Variants in PARD3 observed in about 807,000 individuals in gnomAD.
The protein encoded by PARD3 is par-3 family cell polarity regulator.
A neutral mutation model predicts 155.4 loss-of-function variants in PARD3; 75 were observed. That is an observed-to-expected ratio of 0.48 (90% CI 0.40 to 0.58). PARD3 has a LOEUF of 0.58. Ranked by LOEUF, PARD3 falls within the 20% of genes least tolerant of loss-of-function variation. PARD3 has a pLI of 0.00. For missense variants in PARD3, 1,642 were observed against 1,721.7 expected (o/e 0.95, Z 0.82); for synonymous variants, 576 against 610.5 (o/e 0.94, Z 0.83).
chr10:34,601,849 T>C (rs1419551174), intron 2 of PARD3, among the ~76,000 whole-genome samples: 2 of 152,210 alleles, frequency 1.3e-5, no homozygotes, highest in Non-Finnish European at 2.9e-5. Context: ...AATTTTCAGC[T>C]ATGGAGACAT....
At chr10:34,210,348 A>T (rs1951683662) in intron 22 of PARD3, among the ~76,000 whole-genome samples, 1 of 152,186 alleles carries the variant, frequency 6.6e-6, no homozygotes. Flanking sequence ...ACATGTTAAC[A>T]TAAATCAGAA....
chr10:34,209,156 C>T (rs1177839757), intron 22 of PARD3, among the ~76,000 whole-genome samples: 1 of 152,074 alleles, frequency 6.6e-6, no homozygotes, highest in African/African-American at 2.4e-5. Flanking sequence ...ACCTAGAATC[C>T]CTTCTTCCTT....
At chr10:34,153,644 T>C (rs1442908599) in intron 22 of PARD3, among the ~76,000 whole-genome samples, 1 of 152,216 alleles carries the variant, frequency 6.6e-6, no homozygotes, top group East Asian at 1.9e-4. Context: ...GTAGTCAGTT[T>C]AATTCAAACG....
intron 15 of PARD3, chr10:34,343,478 T>C (rs1391259503): frequency 2.0e-6 from 2 of 983,796 alleles, no homozygotes; most frequent in Non-Finnish European, 2.4e-6. Context: ...GCAAGAAATC[T>C]TCCTCATAGT....
At chr10:34,606,162 G>A (rs1325227503) in intron 2 of PARD3, among the ~76,000 whole-genome samples, 1 of 21,864 alleles carries the variant, frequency 4.6e-5, no homozygotes, top group African/African-American at 1.5e-3. Context: ...GGAAATGTGT[G>A]TGTGTGTGTG....
At chr10:34,700,049 T>TA (rs2094245239) in intron 1 of PARD3, among the ~76,000 whole-genome samples, 1 of 152,148 alleles carries the variant, frequency 6.6e-6, no homozygotes, top group South Asian at 2.1e-4. Context: ...ACAAAAGAGT[T>TA]AAACACTAAC....
intron 2 of PARD3, among the ~76,000 whole-genome samples, chr10:34,657,261 G>A (rs754656115): frequency 3.9e-5 from 6 of 151,908 alleles, no homozygotes; most frequent in South Asian, 4.1e-4. Context: ...AAGCCAGATC[G>A]AGAACATGCA....
intron 4 of PARD3, among the ~76,000 whole-genome samples, chr10:34,455,916 T>C (rs59039177): frequency 0.024 from 3,715 of 152,304 alleles, 159 homozygotes; most frequent in African/African-American, 0.086. Flanking sequence ...TCCTATATTA[T>C]CTGTAATTCC....
intron 2 of PARD3, among the ~76,000 whole-genome samples, chr10:34,657,668 A>G (rs2093211561): frequency 6.6e-6 from 1 of 152,082 alleles, no homozygotes; most frequent in Non-Finnish European, 1.5e-5. Flanking sequence ...CCTCCCGAGT[A>G]GCTGGGATTA....
At chr10:34,809,687 G>A (rs1056920510) in intron 1 of PARD3, among the ~76,000 whole-genome samples, 1 of 152,234 alleles carries the variant, frequency 6.6e-6, no homozygotes, top group Non-Finnish European at 1.5e-5. Context: ...GTGCTCAGAA[G>A]GCAGGACTTG....
intron 18 of PARD3, among the ~76,000 whole-genome samples, chr10:34,331,877 G>A (rs570576819): frequency 3.9e-5 from 6 of 152,202 alleles, no homozygotes; most frequent in South Asian, 2.1e-4. Flanking sequence ...GTAAGACCAC[G>A]GGGGCCAACA....
At chr10:34,590,250 T>C (rs1042141130) in intron 2 of PARD3, among the ~76,000 whole-genome samples, 1 of 152,196 alleles carries the variant, frequency 6.6e-6, no homozygotes. Flanking sequence ...GTCCCCCTGA[T>C]GCCCTGCCGG....
At chr10:34,141,920 G>T (rs886816204) in intron 22 of PARD3, among the ~76,000 whole-genome samples, 2 of 152,134 alleles carry the variant, frequency 1.3e-5, no homozygotes, top group African/African-American at 4.8e-5. Context: ...CTCCAATGGG[G>T]CATCTACTGA....
At chr10:34,595,868 T>A (rs1026690109) in intron 2 of PARD3, among the ~76,000 whole-genome samples, 13 of 152,216 alleles carry the variant, frequency 8.5e-5, no homozygotes, top group African/African-American at 2.9e-4. Flanking sequence ...GACTCACACC[T>A]GTAATCCCAG....
At position 34,470,271 on chromosome 10, in the gene PARD3, C is replaced by T. The variant is rs1349480794; in HGVS notation, c.404-8G>A. 10 of 1,562,318 alleles carry T rather than the reference C, an allele frequency of 6.4e-6. No individual in the cohort carries two copies. Among genetic ancestry groups the T allele is most frequent in the Non-Finnish European group, 8.7e-6 (10 of 1,151,920 alleles). On this transcript the variant is annotated splice_polypyrimidine_tract_variant and splice_region_variant and intron_variant, in intron 3 of 24. Coordinates refer to ENST00000374788, the MANE Select transcript of PARD3 (RefSeq NM_001184785.2). ...GAACATGAAGAGGCATATCTGTAAA[C>T]ACAAAAGCACTATGCTGAAAAATAA...
intron 5 of PARD3, among the ~76,000 whole-genome samples, chr10:34,431,027 C>G (rs894241024): frequency 6.6e-6 from 1 of 152,196 alleles, no homozygotes; most frequent in African/African-American, 2.4e-5. Context: ...CAAAATTCTA[C>G]CACACACTTT....
At chr10:34,718,515 C>T (rs1362691497) in intron 1 of PARD3, among the ~76,000 whole-genome samples, 5 of 151,426 alleles carry the variant, frequency 3.3e-5, no homozygotes, top group Admixed American at 1.3e-4. Context: ...ACATAATCAG[C>T]CAGGCATGGT....
chr10:34,367,769 A>G (rs7912604), intron 12 of PARD3, among the ~76,000 whole-genome samples: 16,941 of 152,238 alleles, frequency 0.11, 1,911 homozygotes, highest in African/African-American at 0.29. Flanking sequence ...TTAGCAAAAT[A>G]AACCTAATAA....
chr10:34,515,869 T>TCTACTGAAGA (rs2133611779), intron 3 of PARD3, among the ~76,000 whole-genome samples: 1 of 152,182 alleles, frequency 6.6e-6, no homozygotes, highest in East Asian at 1.9e-4. Flanking sequence ...TTTATAAATA[T>TCTACTGAAGA]CTACTGAAGA....
Sources: gnomAD v4.1 joint callset for allele counts (sites outside exome capture counted in the v4.1 genomes callset) on GRCh38, gnomAD v4.1.1 for gene constraint, MANE v1.5 for transcripts, NCBI Gene and HGNC (gene_info 2026-07-23, HGNC 2026-07-21) for gene names.